ACAA2: variants seen among roughly 807,000 people sequenced by gnomAD.
ACAA2 encodes acetyl-CoA acyltransferase 2.
Under a neutral mutation model 44.8 loss-of-function variants are expected in ACAA2, and 35 were observed. The ratio of observed to expected loss-of-function variants is 0.78; its 90% CI spans 0.60 to 1.04. The LOEUF (loss-of-function observed/expected upper bound fraction) is 1.04. Among genes scored for constraint, ACAA2 ranks in the 50% least tolerant of loss-of-function variants. The probability of loss-of-function intolerance (pLI) is 0.00; values close to 1 mark genes in which losing one functional copy is unlikely to be tolerated. For synonymous variants in ACAA2, 142 were observed against 166.5 expected, an observed-to-expected ratio of 0.85 and a Z score of 1.13; for missense variants, 468 against 482.6, an observed-to-expected ratio of 0.97 and a Z score of 0.28.
chr18:49,798,906 A>G (rs2023495780), intron 2 of ACAA2, among the ~76,000 whole-genome samples: 1 of 152,196 alleles, frequency 6.6e-6, no homozygotes, highest in African/African-American at 2.4e-5. Context: ...TTATTAACAG[A>G]TAAATATTTG....
At chr18:49,800,143 C>T (rs1187058911) in intron 2 of ACAA2, among the ~76,000 whole-genome samples, 2 of 32,146 alleles carry the variant, frequency 6.2e-5, no homozygotes, top group African/African-American at 2.3e-4. Context: ...GGTCAGCCCC[C>T]GGCCGGCCAG....
chr18:49,812,532 C>T (rs2023682341), intron 1 of ACAA2, among the ~76,000 whole-genome samples: 1 of 152,156 alleles, frequency 6.6e-6, no homozygotes, highest in South Asian at 2.1e-4. Flanking sequence ...CCCCTTTTCT[C>T]CCCAATTACA....
Position 49,791,542 on chromosome 18 carries a change from G to A in ACAA2, c.811C>T (p.His271Tyr), listed in dbSNP as rs148304029. 9.3e-4 allele frequency: 1,507 copies of A among 1,612,832 alleles called. 1 individual carries two copies. The highest frequency in any genetic ancestry group is 1.2e-3 in the Non-Finnish European group (1,410 of 1,179,758). ...ATTCTTGCCAGTGGTGTGAAGTTAT[G>A]TTTCTTAACAGCATCTTCACTAGCT... ...IIASEDAVKK[H>Y]NFTPLARIVG... The change falls in exon 7 of 10, where the codon CAT becomes TAT. Residue 271 changes from histidine to tyrosine, a missense_variant. Physicochemically the swap from His to Tyr is moderately conservative, Grantham distance 83. Coordinates refer to ENST00000285093, the MANE Select transcript of ACAA2 (RefSeq NM_006111.3).
chr18:49,786,243 T>G (rs888632365), intron 8 of ACAA2: 4 of 152,178 alleles, frequency 2.6e-5, no homozygotes, highest in Non-Finnish European at 5.9e-5. Flanking sequence ...AAGGAGGTAC[T>G]AAGAGACCTA....
At chr18:49,801,926 T>C (rs1338835149) in intron 2 of ACAA2, among the ~76,000 whole-genome samples, 1 of 151,872 alleles carries the variant, frequency 6.6e-6, no homozygotes, top group East Asian at 1.9e-4. Flanking sequence ...TTTAAAGGAA[T>C]TCTGAATTTT....
chr18:49,784,041 C>T, intron 9 of ACAA2, 110 bp from the exon 10 acceptor site: 1 of 849,174 alleles, frequency 1.2e-6, no homozygotes, highest in East Asian at 2.7e-5. Flanking sequence ...CTCATCTGCT[C>T]AATCTTTTCC....
chr18:49,794,373 C>A lies in ACAA2; in HGVS notation c.484G>T (p.Ala162Ser). Residue 162 changes from alanine to serine, a missense_variant, in exon 5 of 10, where the codon GCA becomes TCA. Coordinates refer to ENST00000285093, the MANE Select transcript of ACAA2 (RefSeq NM_006111.3). Reference protein sequence around the residue: ...LTDQHVQLPMAMTAENLAVKH... With the variant: ...LTDQHVQLPMSMTAENLAVKH... ...ACAGCAAGATTCTCTGCAGTCATTG[C>A]CATGGGGAGCTGGACATGCTGATCT... 6.2e-7 allele frequency: 1 copy of A among 1,610,878 alleles called. No homozygotes were observed. The highest frequency in any genetic ancestry group is 8.5e-7 in the Non-Finnish European group (1 of 1,179,194).
In ACAA2 at chr18:49,813,500, G is replaced by A. The variant is rs746565710; in HGVS notation, c.-16C>T. The A allele has an allele frequency of 8.9e-6, 11 of 1,240,578 alleles. No homozygotes were observed. Among genetic ancestry groups the A allele is most frequent in the Non-Finnish European group, 1.0e-5 (10 of 988,028 alleles). The allele number at this position is 1,240,578 out of a possible 1,614,324, so 76.8% of individuals were successfully genotyped here. On this transcript the variant is annotated 5_prime_UTR_variant, in exon 1 of 10. It adds an upstream start codon to the 5' untranslated region. Coordinates refer to ENST00000285093, the MANE Select transcript of ACAA2 (RefSeq NM_006111.3). The stretch of plus-strand genomic sequence containing the variant: ...GCAGAGCCATGGCGGCTGCTGGGTC[G>A]TCGGCGGCGCGGGTCTGTGGTGTGG...
intron 1 of ACAA2, chr18:49,813,165 A>G (rs1055618141): frequency 3.5e-5 from 11 of 317,794 alleles, no homozygotes; most frequent in Non-Finnish European, 5.7e-5. Context: ...GACTCGAACT[A>G]GTGGGGTCAC....
chr18:49,784,387 A>C (rs115592338), intron 9 of ACAA2, among the ~76,000 whole-genome samples: 1 of 152,228 alleles, frequency 6.6e-6, no homozygotes, highest in South Asian at 2.1e-4. Context: ...TGTAATTAAT[A>C]AAGTTTGTCC....
chr18:49,808,737 TAAAGATCACAAGGCAAAGGACAAAGC>T (rs1323033767), intron 1 of ACAA2, among the ~76,000 whole-genome samples: 32 of 152,024 alleles, frequency 2.1e-4, no homozygotes, highest in Non-Finnish European at 3.5e-4. Context: ...CTGAGGCCAA[TAAAGATCACAAGGCAAAGGACAAAGC>T]AAAGATCACA....
intron 2 of ACAA2, among the ~76,000 whole-genome samples, chr18:49,799,427 G>A (rs1368435420): frequency 6.6e-6 from 1 of 152,162 alleles, no homozygotes; most frequent in Admixed American, 6.5e-5. Flanking sequence ...GTGTTGGCCT[G>A]GCTGGTCTCC....
At chr18:49,802,620 A>C in intron 2 of ACAA2, 67 bp downstream of exon 2, 1 of 1,449,516 alleles carries the variant, frequency 6.9e-7, no homozygotes, top group Non-Finnish European at 9.4e-7. Context: ...TGATATGTTA[A>C]AGGAATTATT....
intron 4 of ACAA2, 46 bp from the exon 5 acceptor site, chr18:49,794,473 T>A (rs777911472): frequency 2.1e-6 from 3 of 1,398,682 alleles, no homozygotes; most frequent in African/African-American, 1.5e-5. Context: ...CATTTCCTTT[T>A]AAAAGTAATA....
At chr18:49,812,389 G>A (rs1027343765) in intron 1 of ACAA2, among the ~76,000 whole-genome samples, 3 of 152,092 alleles carry the variant, frequency 2.0e-5, no homozygotes, top group Non-Finnish European at 4.4e-5. Context: ...TCTGTAAAGT[G>A]GCATCATCAT....
At chr18:49,798,512 CAGCCTGTTTTGGA>C (rs1484476066) in intron 2 of ACAA2, among the ~76,000 whole-genome samples, 1 of 150,530 alleles carries the variant, frequency 6.6e-6, no homozygotes, top group African/African-American at 2.4e-5. Flanking sequence ...AAAACATTAA[CAGCCTGTTTTGGA>C]GGCTGTTAGC....
At chr18:49,784,458 T>TTAAAG (rs1321389291) in intron 9 of ACAA2, among the ~76,000 whole-genome samples, 13 of 152,206 alleles carry the variant, frequency 8.5e-5, no homozygotes, top group Non-Finnish European at 1.9e-4. Context: ...TTAGACTCTT[T>TTAAAG]TAAAGTACTC....
At chr18:49,794,646 C>T (rs543986684) in intron 4 of ACAA2, among the ~76,000 whole-genome samples, 18 of 151,982 alleles carry the variant, frequency 1.2e-4, no homozygotes, top group Admixed American at 9.8e-4. Flanking sequence ...ATTCTCTGTC[C>T]CTCTCTAAAT....
chr18:49,803,491 G>C (rs909770364), intron 1 of ACAA2, among the ~76,000 whole-genome samples: 3 of 152,132 alleles, frequency 2.0e-5, no homozygotes, highest in African/African-American at 7.2e-5. Context: ...AGGGAGCTCG[G>C]CTCTTAAGAC....
Sources: allele counts gnomAD v4.1 joint callset (sites outside exome capture counted in the v4.1 genomes callset), GRCh38; gene constraint gnomAD v4.1.1; transcripts MANE v1.5; gene names NCBI Gene and HGNC (gene_info 2026-07-23, HGNC 2026-07-21).